Variants in TMEM184B observed in about 807,000 individuals in gnomAD.
The protein encoded by TMEM184B is transmembrane protein 184B.
TMEM184B carries 17 observed loss-of-function variants against 41.8 expected under a neutral mutation model. The ratio of observed to expected loss-of-function variants is 0.41; its 90% CI spans 0.28 to 0.61. The LOEUF (loss-of-function observed/expected upper bound fraction) is 0.61, where lower values mean the gene tolerates loss of function less well. TMEM184B is among the 20% of genes least tolerant of loss of function. The probability of loss-of-function intolerance (pLI) is 0.34; values close to 1 mark genes in which losing one functional copy is unlikely to be tolerated. For synonymous variants in TMEM184B, 240 were observed against 229.5 expected (o/e 1.05, Z -0.41); for missense variants, 393 against 557.8 (o/e 0.70, Z 2.98).
chr22:38,240,277 C>T lies in TMEM184B; in HGVS notation c.358+5658G>A, dbSNP rs146462343. Among the ~76,000 whole-genome samples, 689 of 152,032 alleles carry T rather than the reference C, an allele frequency of 4.5e-3. 9 individuals are homozygous for T. The highest frequency in any genetic ancestry group is 0.015 in the African/African-American group (640 of 41,456). ...GAGACCAAAAAACAATACTCTCTCACGTACCAAGAACAAGGCATCATAAAG... is the reference window on the plus strand; with the variant it reads ...GAGACCAAAAAACAATACTCTCTCATGTACCAAGAACAAGGCATCATAAAG... On this transcript the variant is annotated intron_variant, in intron 3 of 8. Transcript: ENST00000361906.
rs917764501 is a variant in TMEM184B, at chr22:38,219,932, C to T, written c.*1537G>A. On this transcript the variant is annotated 3_prime_UTR_variant, in exon 9 of 9. Transcript: ENST00000361906. ...GAGGAAAGGAAGGAGGCCAGGAAGA[C>T]GGCTGGGCCCCAACTCTCCTCACAG... The T allele has an allele frequency of 1.7e-5, 17 of 985,240 alleles. No individual in the cohort carries two copies. Among genetic ancestry groups the T allele is most frequent in the Non-Finnish European group, 1.9e-5 (16 of 829,938 alleles). The allele number at this position is 985,240 out of a possible 1,614,324, so 61.0% of individuals were successfully genotyped here.
intron 1 of TMEM184B, among the ~76,000 whole-genome samples, chr22:38,266,900 G>A (rs917116019): frequency 3.9e-5 from 6 of 152,086 alleles, no homozygotes; most frequent in Non-Finnish European, 5.9e-5. Flanking sequence ...TGGCTAACAC[G>A]GTGAAATCCT....
Position 38,226,959 on chromosome 22 carries a change from A to G in TMEM184B, c.526-89T>C. On this transcript the variant is annotated intron_variant, in intron 5 of 8. Coordinates refer to ENST00000361906, the MANE Select transcript of TMEM184B (RefSeq NM_012264.5). The surrounding 1 kb of genome is among the most constrained non-coding windows in gnomAD (Gnocchi z 4.6). Reference sequence around the variant, plus strand: ...CCTCTGGCAGACGGAACTGTACCGGATGGAGGGACAGAGAGGATGAAGGAG... The same window carrying G: ...CCTCTGGCAGACGGAACTGTACCGGGTGGAGGGACAGAGAGGATGAAGGAG... 1 of 1,319,282 alleles carries G rather than the reference A, an allele frequency of 7.6e-7. No individual in the cohort carries two copies. Among genetic ancestry groups the G allele is most frequent in the South Asian group, 1.3e-5 (1 of 78,270 alleles). The allele number at this position is 1,319,282 out of a possible 1,614,324, so 81.7% of individuals were successfully genotyped here.
intron 1 of TMEM184B, among the ~76,000 whole-genome samples, chr22:38,251,514 C>T (rs912873523): frequency 6.6e-6 from 1 of 152,228 alleles, no homozygotes; most frequent in African/African-American, 2.4e-5. Context: ...GCTCGCCTTG[C>T]TCCCTGGACC....
At chr22:38,232,777 G>A (rs945717133) in intron 3 of TMEM184B, among the ~76,000 whole-genome samples, 2 of 152,180 alleles carry the variant, frequency 1.3e-5, no homozygotes, top group Admixed American at 1.3e-4. Flanking sequence ...CTCCCGAGCA[G>A]CACTAATGCT....
chr22:38,262,180 T>C (rs1385021484), intron 1 of TMEM184B, among the ~76,000 whole-genome samples: 1 of 152,210 alleles, frequency 6.6e-6, no homozygotes, highest in Non-Finnish European at 1.5e-5. Context: ...ACTCTGTGTG[T>C]GGGAGGCCCA....
At position 38,219,976 on chromosome 22, in the gene TMEM184B, G is replaced by T. The variant is rs946871543; in HGVS notation, c.*1493C>A. 16 of 985,370 alleles carry T rather than the reference G, an allele frequency of 1.6e-5. No homozygotes were observed. The African/African-American group carries it at 2.8e-4, about 17-fold the overall frequency. 61.0% of individuals were successfully genotyped at this position (985,370 alleles called of 1,614,324 possible). A position where few individuals can be genotyped will look rare whatever the true frequency, so the allele number is the denominator to read the frequency against. On this transcript the variant is annotated 3_prime_UTR_variant, in exon 9 of 9. Coordinates refer to ENST00000361906, the MANE Select transcript of TMEM184B (RefSeq NM_012264.5). The stretch of plus-strand genomic sequence containing the variant: ...CTCACAGGTGGCAGGGAGGGAACCT[G>T]TTCATTCCAGGAAGGACCAAAAGAA...
intron 1 of TMEM184B, among the ~76,000 whole-genome samples, chr22:38,259,046 C>T (rs1317501016): frequency 6.6e-6 from 1 of 152,172 alleles, no homozygotes; most frequent in African/African-American, 2.4e-5. Context: ...CAAGACTGCC[C>T]CACCTCCCTC....
chr22:38,232,151 T>C (rs2091646636), intron 3 of TMEM184B: 1 of 154,948 alleles, frequency 6.5e-6, no homozygotes. Flanking sequence ...CAACAACCTG[T>C]AGCGGTATCC....
At chr22:38,254,937 T>C (rs1050007642) in intron 1 of TMEM184B, among the ~76,000 whole-genome samples, 3 of 148,780 alleles carry the variant, frequency 2.0e-5, no homozygotes, top group Admixed American at 6.7e-5. Flanking sequence ...CTGCAACCTC[T>C]ACCTCCCGGG....
chr22:38,217,611 C>T (rs2091164860), downstream of TMEM184B, among the ~76,000 whole-genome samples: 2 of 151,508 alleles, frequency 1.3e-5, no homozygotes, highest in Non-Finnish European at 2.9e-5. Flanking sequence ...CACTGGACTC[C>T]AGCCTGGGCG....
At chr22:38,248,671 C>G (rs1449060648) in intron 1 of TMEM184B, among the ~76,000 whole-genome samples, 1 of 152,222 alleles carries the variant, frequency 6.6e-6, no homozygotes, top group Non-Finnish European at 1.5e-5. Flanking sequence ...AACTGTTCCC[C>G]CCACCCCACC....
At chr22:38,254,323 G>A (rs539297500) in intron 1 of TMEM184B, among the ~76,000 whole-genome samples, 1 of 152,068 alleles carries the variant, frequency 6.6e-6, no homozygotes, top group Admixed American at 6.6e-5. Flanking sequence ...ATAAGTACAT[G>A]GCGCAGTGGC....
chr22:38,236,931 C>T (rs530944056), intron 3 of TMEM184B, among the ~76,000 whole-genome samples: 2 of 152,294 alleles, frequency 1.3e-5, no homozygotes, highest in South Asian at 4.1e-4. Context: ...GCTTCTCCCT[C>T]GTGACTTTCC....
intron 3 of TMEM184B, among the ~76,000 whole-genome samples, chr22:38,243,709 A>G (rs1356967020): frequency 6.6e-6 from 1 of 152,118 alleles, no homozygotes; most frequent in Non-Finnish European, 1.5e-5. Flanking sequence ...GCCTGCGAGG[A>G]GGGAGCATGG....
intron 1 of TMEM184B, among the ~76,000 whole-genome samples, chr22:38,270,931 C>G (rs554489673): frequency 6.6e-6 from 1 of 152,266 alleles, no homozygotes; most frequent in African/African-American, 2.4e-5. Flanking sequence ...CGGACAGAAG[C>G]CCCTGCTCAC....
chr22:38,231,046 CAGAG>C lies in TMEM184B; in HGVS notation c.449+194_449+197del, dbSNP rs2091602504. The stretch of plus-strand genomic sequence containing the variant: ...GCACTAAGACTGAGACAGGAAGAGA[CAGAG>C]AGAGAAAGACTGAGCCGCAGAGGCC... On this transcript the variant is annotated intron_variant, in intron 4 of 8. Transcript: ENST00000361906. Among the ~76,000 whole-genome samples, 2 of 152,182 alleles carry C rather than the reference CAGAG, an allele frequency of 1.3e-5. 1 individual carries two copies. Among genetic ancestry groups the C allele is most frequent in the Admixed American group, 1.3e-4 (2 of 15,278 alleles).
At position 38,221,365 on chromosome 22, in the gene TMEM184B, G is replaced by C. The variant is rs929975564; in HGVS notation, c.*104C>G. On this transcript the variant is annotated 3_prime_UTR_variant, in exon 9 of 9. Coordinates refer to ENST00000361906, the MANE Select transcript of TMEM184B (RefSeq NM_012264.5). ...TTCTGGTCCAATAAATAAAGGCGGC[G>C]TGAGCACTGTGCCAGCTGCCTCCTG... 2.0e-6 allele frequency: 3 copies of C among 1,491,556 alleles called. No homozygotes were observed. The highest frequency in any genetic ancestry group is 4.7e-5 in the Admixed American group (2 of 42,138). The allele number at this position is 1,491,556 out of a possible 1,614,324, so 92.4% of individuals were successfully genotyped here.
At chr22:38,219,006 A>G (rs1436108833), downstream of TMEM184B, among the ~76,000 whole-genome samples, 1 of 152,228 alleles carries the variant, frequency 6.6e-6, no homozygotes, top group African/African-American at 2.4e-5. Context: ...CGGGGCTGCC[A>G]GCATGTGGGC....
Sources: gnomAD v4.1 joint callset for allele counts (sites outside exome capture counted in the v4.1 genomes callset) on GRCh38, gnomAD v4.1.1 for gene constraint, Gnocchi (gnomAD v3.1) non-coding constraint, MANE v1.5 for transcripts, NCBI Gene and HGNC (gene_info 2026-07-23, HGNC 2026-07-21) for gene names.